Variants in GSG1 observed in about 807,000 individuals in gnomAD.
The protein encoded by GSG1 is germ cell associated 1.
GSG1 carries 28 observed loss-of-function variants against 30.8 expected under a neutral mutation model. The ratio of observed to expected loss-of-function variants is 0.91; its 90% CI spans 0.67 to 1.25. GSG1 has a LOEUF of 1.25. Among genes scored for constraint, GSG1 ranks in the 50% most tolerant of loss-of-function variants. The pLI is 0.00. For missense variants in GSG1, 435 were observed against 444.7 expected (o/e 0.98, Z 0.20); for synonymous variants, 162 against 178.0 (o/e 0.91, Z 0.71).
chr12:13,091,234 TC>T (rs1350749824), intron 1 of GSG1, among the ~76,000 whole-genome samples: 3 of 152,166 alleles, frequency 2.0e-5, no homozygotes, highest in African/African-American at 7.2e-5. Flanking sequence ...CCCTCTGCCT[TC>T]CCGTGTCCAA....
At chr12:13,095,568 C>G in intron 1 of GSG1, 1 of 1,607,944 alleles carries the variant, frequency 6.2e-7, no homozygotes, top group Non-Finnish European at 8.5e-7. Context: ...TAGACTGCAT[C>G]CTTTGAGCAA....
rs957280860 is a variant in GSG1, at chr12:13,093,552, G to A, written c.49-2734C>T. 2.6e-5 allele frequency among the ~76,000 whole-genome samples: 4 copies of A among 152,150 alleles called. No homozygotes were observed. Among genetic ancestry groups the A allele is most frequent in the Admixed American group, 6.5e-5 (1 of 15,270 alleles). On this transcript the variant is annotated intron_variant, in intron 1 of 6. Coordinates refer to ENST00000651961, the MANE Select transcript of GSG1 (RefSeq NM_001080555.4). The surrounding 1 kb of genome is among the most constrained non-coding windows in gnomAD (Gnocchi z 4.6). Reference sequence around the variant, plus strand: ...TATGGTTCTGGGAGAGGTAGCAGTCGGGCCCAGCTTCCATCCACTGCCACA... The same window carrying A: ...TATGGTTCTGGGAGAGGTAGCAGTCAGGCCCAGCTTCCATCCACTGCCACA...
chr12:13,088,865 T>A lies in GSG1; in HGVS notation c.478A>T (p.Arg160Ter). ...SFIELTPPAK[R>*]EILWLSLGTQ... Reference sequence around the variant, plus strand: ...AATTCCAGTAGTCCTTTCTCACCTCTCTTGGCTGGTGGTGTAAGTTCAATG... The same window carrying A: ...AATTCCAGTAGTCCTTTCTCACCTCACTTGGCTGGTGGTGTAAGTTCAATG... The change falls in exon 4 of 7, where the codon AGA (arginine) becomes TGA (stop). Residue 160 changes from arginine (R) to a stop codon, truncating the protein, a stop_gained. Coordinates refer to ENST00000651961, the MANE Select transcript of GSG1 (RefSeq NM_001080555.4). LOFTEE classifies it high-confidence loss of function. 1.2e-6 allele frequency: 2 copies of A among 1,614,136 alleles called. No individual in the cohort carries two copies. The highest frequency in any genetic ancestry group is 2.7e-5 in the African/African-American group (2 of 75,010).
chr12:13,088,757 G>A, intron 4 of GSG1, 105 bp downstream of exon 4: 1 of 1,612,612 alleles, frequency 6.2e-7, no homozygotes, highest in Non-Finnish European at 8.5e-7. Context: ...AGCCCCAAGG[G>A]AGGGGAGGGG....
rs1865354840 is a variant in GSG1 at position 13,084,888 on chromosome 12, A to G, written c.*13T>C. 2 of 1,521,752 alleles carry G rather than the reference A, an allele frequency of 1.3e-6. No homozygotes were observed. Among genetic ancestry groups the G allele is most frequent in the African/African-American group, 1.4e-5 (1 of 72,518 alleles). The allele number at this position is 1,521,752 out of a possible 1,614,324, so 94.3% of individuals were successfully genotyped here. ...GGTAGGGCTCAAGCCTACTCCCCAAACCCGCTTAACTCCTAACACTGCTCT... is the reference window on the plus strand; with the variant it reads ...GGTAGGGCTCAAGCCTACTCCCCAAGCCCGCTTAACTCCTAACACTGCTCT... On this transcript the variant is annotated 3_prime_UTR_variant, in exon 7 of 7. Transcript: ENST00000651961.
intron 1 of GSG1, chr12:13,095,499 A>G: frequency 8.9e-7 from 1 of 1,125,732 alleles, no homozygotes; most frequent in Non-Finnish European, 1.4e-6. Context: ...TAGGCTAGGA[A>G]GGACAACAGA....
chr12:13,090,920 G>T, intron 1 of GSG1, 102 bp from the exon 2 acceptor site: 1 of 969,168 alleles, frequency 1.0e-6, no homozygotes, highest in Non-Finnish European at 1.5e-6. Flanking sequence ...CTCCGCTCAA[G>T]CCATACTCCT....
Position 13,084,783 on chromosome 12 carries a change from C to G in GSG1, c.*118G>C. 1 of 667,838 alleles carries G rather than the reference C, an allele frequency of 1.5e-6. No individual in the cohort carries two copies. Among genetic ancestry groups the G allele is most frequent in the East Asian group, 2.7e-5 (1 of 36,562 alleles). 41.4% of individuals were successfully genotyped at this position (667,838 alleles called of 1,614,324 possible). ...ACTTAAAGATAACCCTTATTCATAG[C>G]CTTATTCGTAGCCTCTAAAAACCAT... On this transcript the variant is annotated 3_prime_UTR_variant, in exon 7 of 7. Transcript: ENST00000651961.
intron 1 of GSG1, among the ~76,000 whole-genome samples, 198 bp from the exon 2 acceptor site, chr12:13,091,016 C>T (rs1866077150): frequency 1.3e-5 from 2 of 152,180 alleles, no homozygotes; most frequent in Admixed American, 6.5e-5. Context: ...CTGCAGCAAG[C>T]ACCCTGAGGG....
chr12:13,084,968 AAT>A lies in GSG1; in HGVS notation c.1020_1021del (p.Phe341SerfsTer13), dbSNP rs1865365732. ...CAGCTCCTGGCTGGCCCCTCTTTGA[AAT>A]CCCTTGTTCCGCAGCTCGGAGTAGA... On this transcript the variant is annotated frameshift_variant, in exon 7 of 7. Coordinates refer to ENST00000651961, the MANE Select transcript of GSG1 (RefSeq NM_001080555.4). LOFTEE classifies it low-confidence loss of function (END_TRUNC). 1 of 1,551,822 alleles carries A rather than the reference AAT, an allele frequency of 6.4e-7. No individual in the cohort carries two copies. Among genetic ancestry groups the A allele is most frequent in the African/African-American group, 1.4e-5 (1 of 73,016 alleles).
chr12:13,092,595 CT>C (rs1439890101), intron 1 of GSG1, among the ~76,000 whole-genome samples: 2 of 152,080 alleles, frequency 1.3e-5, no homozygotes, highest in African/African-American at 4.8e-5. Flanking sequence ...TTGGTCATGT[CT>C]TATCTTCCCT....
At position 13,098,401 on chromosome 12, in the gene GSG1, T is replaced by C. The variant is rs1862897197; in HGVS notation, c.48+5064A>G. ...TGGAATTCAGGGCTCAGGCTGAACT[T>C]TGGGGCATCCAGCCACTCCCTATAG... On this transcript the variant is annotated intron_variant, in intron 1 of 6. Coordinates refer to ENST00000651961, the MANE Select transcript of GSG1 (RefSeq NM_001080555.4). 2.7e-5 allele frequency among the ~76,000 whole-genome samples: 4 copies of C among 149,372 alleles called. No individual in the cohort carries two copies. In the South Asian group the frequency reaches 8.4e-4, roughly 31 times the overall value.
intron 1 of GSG1, among the ~76,000 whole-genome samples, chr12:13,092,028 G>A (rs1010515805): frequency 6.6e-6 from 1 of 152,198 alleles, no homozygotes; most frequent in African/African-American, 2.4e-5. Context: ...GTGGTGATTT[G>A]CATAGATTGA....
chr12:13,096,258 G>A (rs938076171), intron 1 of GSG1, among the ~76,000 whole-genome samples: 2 of 152,064 alleles, frequency 1.3e-5, no homozygotes, highest in African/African-American at 4.8e-5. Flanking sequence ...CGGATCACAA[G>A]GTCAGGAGAT....
chr12:13,094,264 C>T (rs1166114412), intron 1 of GSG1, among the ~76,000 whole-genome samples: 1 of 152,176 alleles, frequency 6.6e-6, no homozygotes, highest in Non-Finnish European at 1.5e-5. Flanking sequence ...CAGTGCATAT[C>T]ACAAAATGCT....
Position 13,085,339 on chromosome 12 carries a change from G to A in GSG1, c.747-96C>T. 3 of 1,120,512 alleles carry A rather than the reference G, an allele frequency of 2.7e-6. No individual in the cohort carries two copies. The South Asian group carries it at 4.9e-5, about 18-fold the overall frequency. The allele number at this position is 1,120,512 out of a possible 1,614,324, so 69.4% of individuals were successfully genotyped here. A position where few individuals can be genotyped will look rare whatever the true frequency, so the allele number is the denominator to read the frequency against. On this transcript the variant is annotated intron_variant, in intron 6 of 6. Coordinates refer to ENST00000651961, the MANE Select transcript of GSG1 (RefSeq NM_001080555.4). Reference sequence around the variant, plus strand: ...CTTCCTACTAGTGGACTAGCTTATTGCCTTGTAGGGATTTAGGGACTTTCC... The same window carrying A: ...CTTCCTACTAGTGGACTAGCTTATTACCTTGTAGGGATTTAGGGACTTTCC...
Position 13,085,075 on chromosome 12 carries a change from T to A in GSG1, c.915A>T (p.Ala305=). The change falls in exon 7 of 7, where the codon GCA becomes GCT. Residue 305 remains alanine (A), a synonymous_variant. Transcript: ENST00000651961. ...HQCFPRRLSS[A]APTVGPLTSY... ...TGGTCAAAGGACCCACGGTGGGGGC[T>A]GCACTTGACAGCCGCCGAGGGAAAC... 1 of 1,611,660 alleles carries A rather than the reference T, an allele frequency of 6.2e-7. No individual in the cohort carries two copies. The highest frequency in any genetic ancestry group is 8.5e-7 in the Non-Finnish European group (1 of 1,178,780).
chr12:13,097,998 C>T (rs1377909899), intron 1 of GSG1, among the ~76,000 whole-genome samples: 1 of 152,188 alleles, frequency 6.6e-6, no homozygotes, highest in Non-Finnish European at 1.5e-5. Context: ...AATGTCTGCT[C>T]TCCTCAGACT....
rs757239991 is a variant in GSG1, at chr12:13,087,215, G to A, written c.683C>T (p.Ala228Val). 1.1e-5 allele frequency: 18 copies of A among 1,613,948 alleles called. No individual in the cohort carries two copies. Among genetic ancestry groups the A allele is most frequent in the African/African-American group, 9.3e-5 (7 of 74,924 alleles). ...GTCTTCTGGACCCAAGTTGACAGTC[G>A]CTTGGAAGACTTGTGAATACATCAT... ...AHMMYSQVFQ[A>V]TVNLGPEDWR... Residue 228 changes from alanine to valine, a missense_variant, in exon 6 of 7, where the codon GCG (alanine) becomes GTG (valine). Coordinates refer to ENST00000651961, the MANE Select transcript of GSG1 (RefSeq NM_001080555.4).
Sources: allele counts gnomAD v4.1 joint callset (sites outside exome capture counted in the v4.1 genomes callset), GRCh38; gene constraint gnomAD v4.1.1; non-coding constraint Gnocchi (gnomAD v3.1); transcripts MANE v1.5; gene names NCBI Gene and HGNC (gene_info 2026-07-23, HGNC 2026-07-21).